COL1A1: variants seen among roughly 807,000 people sequenced by gnomAD.
The protein encoded by COL1A1 is collagen type I alpha 1 chain.
In COL1A1, 21 loss-of-function variants were observed where a neutral mutation model predicts 195.7. That is an observed-to-expected ratio of 0.11 (90% CI 0.08 to 0.15). The LOEUF (loss-of-function observed/expected upper bound fraction) is 0.15, where lower values mean the gene tolerates loss of function less well. COL1A1 is among the 10% of genes least tolerant of loss of function. COL1A1 has a pLI of 1.00. For missense variants in COL1A1, 1,365 were observed against 2,051.0 expected, an observed-to-expected ratio of 0.67 and a Z score of 6.46; for synonymous variants, 749 against 747.3, an observed-to-expected ratio of 1.00 and a Z score of -0.04.
chr17:50,191,534 A>G, intron 31 of COL1A1, 44 bp from the exon 32 acceptor site: 2 of 1,566,528 alleles, frequency 1.3e-6, no homozygotes, highest in Non-Finnish European at 1.8e-6. Flanking sequence ...TGGGGCCCCA[A>G]GAGTGGGTCA....
chr17:50,186,139 G>A lies in COL1A1; in HGVS notation c.4006-119C>T. The A allele has an allele frequency of 6.5e-7, 1 of 1,534,484 alleles. No individual in the cohort carries two copies. The highest frequency in any genetic ancestry group is 8.8e-7 in the Non-Finnish European group (1 of 1,131,096). On this transcript the variant is annotated intron_variant, in intron 49 of 50. Transcript: ENST00000225964. This position sits in a 1 kb window ranked among gnomAD's most constrained non-coding sequence, Gnocchi z 5.3. ...CAATGCACCGTTATATCGAGAGGAG[G>A]CACCACCTGCCCATCGGCAGCCTGT...
intron 32 of COL1A1, 142 bp downstream of exon 32, chr17:50,191,241 A>T (rs1907048774): frequency 1.2e-6 from 1 of 843,948 alleles, no homozygotes; most frequent in Admixed American, 2.0e-5. Flanking sequence ...CATCAGCAAA[A>T]AGGCCAGAGG....
rs1906904094 is a variant in COL1A1, at chr17:50,189,776, A to G, written c.2614-44T>C. The G allele has an allele frequency of 6.2e-7, 1 of 1,612,634 alleles. No individual in the cohort carries two copies. Among genetic ancestry groups the G allele is most frequent in the South Asian group, 1.1e-5 (1 of 90,942 alleles). ...GGAACAGTCAGAGGGAGAACAGCCAACTCATCCGACCCAGCTGCCCTCACC... is the reference window on the plus strand; with the variant it reads ...GGAACAGTCAGAGGGAGAACAGCCAGCTCATCCGACCCAGCTGCCCTCACC... On this transcript the variant is annotated intron_variant, in intron 37 of 50. Transcript: ENST00000225964. The surrounding 1 kb of genome is among the most constrained non-coding windows in gnomAD (Gnocchi z 5.5).
chr17:50,199,793 G>C lies in COL1A1; in HGVS notation c.258C>G (p.Val86=), dbSNP rs773763288. 2 of 1,613,830 alleles carry C rather than the reference G, an allele frequency of 1.2e-6. No homozygotes were observed. The highest frequency in any genetic ancestry group is 2.2e-5 in the East Asian group (1 of 44,878). The change falls in exon 2 of 51, where the codon GTC becomes GTG. Residue 86 remains valine (V), a synonymous_variant. Coordinates refer to ENST00000225964, the MANE Select transcript of COL1A1 (RefSeq NM_000088.4). ...DETKNCPGAE[V]PEGECCPVCP... Reference sequence around the variant, plus strand: ...AGACGGGACAGCACTCGCCCTCGGGGACTTCGGCGCCGGGGCAGTTCTTGG... The same window carrying C: ...AGACGGGACAGCACTCGCCCTCGGGCACTTCGGCGCCGGGGCAGTTCTTGG...
chr17:50,196,937 T>C (rs1335977669), intron 11 of COL1A1, 73 bp downstream of exon 11: 10 of 1,549,298 alleles, frequency 6.5e-6, no homozygotes, highest in Middle Eastern at 2.0e-4. Flanking sequence ...CAGTATCTTT[T>C]GGGGAAGAGG....
At chr17:50,187,598 C>T in intron 45 of COL1A1, 61 bp from the exon 46 acceptor site, 2 of 1,584,946 alleles carry the variant, frequency 1.3e-6, no homozygotes, top group Non-Finnish European at 1.7e-6. Flanking sequence ...GCCTGAGGGC[C>T]TGGCTGGAGA....
rs1295793549 is a variant in COL1A1, at chr17:50,192,848, A to G, written c.1824T>C (p.Gly608=). The G allele has an allele frequency of 6.2e-7, 1 of 1,613,558 alleles. No individual in the cohort carries two copies. Among genetic ancestry groups the G allele is most frequent in the Admixed American group, 1.7e-5 (1 of 60,000 alleles). ...CAGCCTCTCCATCTTTGCCAGCAGGACCCTGCAGGGAGAGAGCAAAGGGGA... is the reference window on the plus strand; with the variant it reads ...CAGCCTCTCCATCTTTGCCAGCAGGGCCCTGCAGGGAGAGAGCAAAGGGGA... ...RGVPGPPGAV[G]PAGKDGEAGA... The change falls in exon 27 of 51, where the codon GGT becomes GGC. Residue 608 remains glycine, a splice_region_variant and synonymous_variant. Coordinates refer to ENST00000225964, the MANE Select transcript of COL1A1 (RefSeq NM_000088.4).
rs1291271016 is a variant in COL1A1 at position 50,195,341 on chromosome 17, CA to C, written c.1201-12del. The C allele has an allele frequency of 1.2e-6, 2 of 1,613,728 alleles. No homozygotes were observed. The highest frequency in any genetic ancestry group is 2.7e-5 in the African/African-American group (2 of 74,866). Reference sequence around the variant, plus strand: ...AATACCAGGAGCACCCTGTGGGAGGCAGACAGCCAGGGCGTGAGCCTAGGAG... The same window carrying C: ...AATACCAGGAGCACCCTGTGGGAGGCGACAGCCAGGGCGTGAGCCTAGGAG... On this transcript the variant is annotated splice_polypyrimidine_tract_variant and intron_variant, in intron 18 of 50. Transcript: ENST00000225964. The surrounding 1 kb of genome is among the most constrained non-coding windows in gnomAD (Gnocchi z 4.3).
In COL1A1 at chr17:50,199,732, AGGCCCC is replaced by A; in HGVS notation, c.298+15_298+20del. 1.2e-6 allele frequency: 1 copy of A among 841,994 alleles called. No individual in the cohort carries two copies. Among genetic ancestry groups the A allele is most frequent in the African/African-American group, 2.0e-5 (1 of 50,704 alleles). 52.2% of individuals were successfully genotyped at this position (841,994 alleles called of 1,614,324 possible). On this transcript the variant is annotated intron_variant, in intron 2 of 50. Coordinates refer to ENST00000225964, the MANE Select transcript of COL1A1 (RefSeq NM_000088.4). ...CCCCAGGCCCCAGGCCCCAGGCCCC[AGGCCCC>A]GAGCGCAGCCGCACCTGAGCCGTCG...
chr17:50,192,448 C>G (rs559566578), intron 29 of COL1A1, 27 bp downstream of exon 29: 1 of 1,582,606 alleles, frequency 6.3e-7, no homozygotes, highest in Non-Finnish European at 8.6e-7. Flanking sequence ...GCATCTCCCA[C>G]CCCTCTGGCC....
chr17:50,185,985 A>T lies in COL1A1; in HGVS notation c.4041T>A (p.Asp1347Glu). 6.2e-7 allele frequency: 1 copy of T among 1,613,524 alleles called. No individual in the cohort carries two copies. Among genetic ancestry groups the T allele is most frequent in the Non-Finnish European group, 8.5e-7 (1 of 1,180,010 alleles). The change falls in exon 50 of 51, where the codon GAT becomes GAA. Residue 1347 changes from aspartate to glutamate, a missense_variant. Coordinates refer to ENST00000225964, the MANE Select transcript of COL1A1 (RefSeq NM_000088.4). ...GCAGGAAGGTCAGCTGGATGGCCACATCGGCAGGGTCGGAGCCCTGGCCGC... is the reference window on the plus strand; with the variant it reads ...GCAGGAAGGTCAGCTGGATGGCCACTTCGGCAGGGTCGGAGCCCTGGCCGC... ...EYGGQGSDPA[D>E]VAIQLTFLRL...
At chr17:50,200,661 G>A (rs999403304) in intron 1 of COL1A1, among the ~76,000 whole-genome samples, 2 of 152,156 alleles carry the variant, frequency 1.3e-5, no homozygotes, top group African/African-American at 4.8e-5. Flanking sequence ...CGGCTCCCCA[G>A]ACGGCCACTA....
rs750343327 is a variant in COL1A1 at position 50,189,258 on chromosome 17, G to A, written c.2847C>T (p.Pro949=). 4.3e-6 allele frequency: 7 copies of A among 1,613,882 alleles called. No homozygotes were observed. The highest frequency in any genetic ancestry group is 1.1e-5 in the South Asian group (1 of 91,068). The change falls in exon 40 of 51, where the codon CCC becomes CCT. Residue 949 remains proline, a synonymous_variant. Transcript: ENST00000225964. This position sits in a 1 kb window ranked among gnomAD's most constrained non-coding sequence, Gnocchi z 5.5. ...GCTGTCCAGCAATACCTTGAGGCCCGGGAGTACCAGGAGCACCCTTTGGGA... is the reference window on the plus strand; with the variant it reads ...GCTGTCCAGCAATACCTTGAGGCCCAGGAGTACCAGGAGCACCCTTTGGGA... ...ADGPAGAPGT[P]GPQGIAGQRG... is the part of the protein sequence containing the mutation.
Position 50,189,935 on chromosome 17 carries a change from C to T in COL1A1, c.2560-23G>A. 1.2e-6 allele frequency: 2 copies of T among 1,611,642 alleles called. No individual in the cohort carries two copies. The highest frequency in any genetic ancestry group is 1.7e-6 in the Non-Finnish European group (2 of 1,178,906). ...ACCCTGTAGGAGAGCACAGAGGCAT[C>T]AAGCCTGGACCCGTCCTGGGTCCCA... On this transcript the variant is annotated intron_variant, in intron 36 of 50. Transcript: ENST00000225964. The surrounding 1 kb of genome is among the most constrained non-coding windows in gnomAD (Gnocchi z 5.5).
chr17:50,200,599 CA>C (rs938105518), intron 1 of COL1A1, among the ~76,000 whole-genome samples: 5 of 152,234 alleles, frequency 3.3e-5, no homozygotes, highest in Non-Finnish European at 7.3e-5. Flanking sequence ...GCCAAAGAAC[CA>C]AAAAGTCCGC....
In COL1A1 at chr17:50,201,620, A is replaced by T; in HGVS notation, c.-107T>A. ...CCTCCTGCTCCGACCCCGAGGAGAA[A>T]CTCCCGTCTGCTCCGACGACTGGCC... On this transcript the variant is annotated 5_prime_UTR_variant, in exon 1 of 51. Transcript: ENST00000225964. The T allele has an allele frequency of 1.0e-6, 1 of 957,660 alleles. No individual in the cohort carries two copies. The highest frequency in any genetic ancestry group is 1.5e-6 in the Non-Finnish European group (1 of 652,632). 59.3% of individuals were successfully genotyped at this position (957,660 alleles called of 1,614,324 possible). A position where few individuals can be genotyped will look rare whatever the true frequency, so the allele number is the denominator to read the frequency against.
rs200564850 is a variant in COL1A1, at chr17:50,196,222, C to T, written c.958-23G>A. On this transcript the variant is annotated intron_variant, in intron 14 of 50. Transcript: ENST00000225964. Reference sequence around the variant, plus strand: ...ACCCTGCAGGAGAGAGGGGAAGCCCCGTTAAGTCCACTGAGCACTGGCCAG... The same window carrying T: ...ACCCTGCAGGAGAGAGGGGAAGCCCTGTTAAGTCCACTGAGCACTGGCCAG... The T allele has an allele frequency of 2.0e-5, 33 of 1,613,874 alleles. No individual in the cohort carries two copies. In the East Asian group the frequency reaches 2.7e-4, roughly 13 times the overall value.
At position 50,196,271 on chromosome 17, in the gene COL1A1, C is replaced by T. The variant is rs76055698; in HGVS notation, c.957+43G>A. On this transcript the variant is annotated intron_variant, in intron 14 of 50. Coordinates refer to ENST00000225964, the MANE Select transcript of COL1A1 (RefSeq NM_000088.4). ...AGTCCCTAGAGTTCCTGGGGAGCCC[C>T]TTCCAGAGCTCAGGGATCCCCCAAG... 3,821 of 1,609,818 alleles carry T rather than the reference C, an allele frequency of 2.4e-3. 77 individuals carry two copies. In the African/African-American group the frequency reaches 0.043, roughly 18 times the overall value.
In COL1A1 at chr17:50,197,280, G is replaced by T. The variant is rs777336526; in HGVS notation, c.697-47C>A. The T allele has an allele frequency of 4.4e-6, 7 of 1,594,038 alleles. No individual in the cohort carries two copies. The Admixed American group carries it at 1.0e-4, about 23-fold the overall frequency. On this transcript the variant is annotated intron_variant, in intron 9 of 50. Coordinates refer to ENST00000225964, the MANE Select transcript of COL1A1 (RefSeq NM_000088.4). ...ATCATGCCTCTGCCTCCCCACCACC[G>T]CCTAGGGGCTGGAAAAGTGGAGAAG...
Sources: allele counts gnomAD v4.1 joint callset (sites outside exome capture counted in the v4.1 genomes callset), GRCh38; gene constraint gnomAD v4.1.1; non-coding constraint Gnocchi (gnomAD v3.1); transcripts MANE v1.5; gene names NCBI Gene and HGNC (gene_info 2026-07-23, HGNC 2026-07-21).